The following NAV2 variants were observed in gnomAD, a reference collection of about 807,000 sequenced individuals.
The protein encoded by NAV2 is helicase, APC down-regulated 1.
Under a neutral mutation model 223.2 loss-of-function variants are expected in NAV2, and 54 were observed. That is an observed-to-expected ratio of 0.24 (90% CI 0.19 to 0.30). The LOEUF (loss-of-function observed/expected upper bound fraction) is 0.30. NAV2 is among the 10% of genes least tolerant of loss of function. The pLI, the probability that NAV2 is intolerant of heterozygous loss-of-function variation, is 1.00. For missense variants in NAV2, 2,806 were observed against 3,147.5 expected (o/e 0.89, Z 2.60); for synonymous variants, 1,279 against 1,239.3 (o/e 1.03, Z -0.67).
intron 1 of NAV2, among the ~76,000 whole-genome samples, chr11:19,413,037 T>C (rs1276036482): frequency 2.0e-5 from 3 of 152,014 alleles, no homozygotes; most frequent in African/African-American, 7.3e-5. Context: ...GGATCACAAC[T>C]CCTCACCAGC....
At chr11:19,668,460 G>T (rs931656208) in intron 1 of NAV2, among the ~76,000 whole-genome samples, 1 of 149,620 alleles carries the variant, frequency 6.7e-6, no homozygotes, top group Non-Finnish European at 1.5e-5. Context: ...TTGAACCTGG[G>T]AGGTGGAAGT....
intron 1 of NAV2, among the ~76,000 whole-genome samples, chr11:19,512,826 AC>A (rs1302281479): frequency 6.6e-6 from 1 of 152,216 alleles, no homozygotes; most frequent in Non-Finnish European, 1.5e-5. Flanking sequence ...GCAGATCAGC[AC>A]GATATTGCAT....
At chr11:19,607,217 A>G (rs917822517) in intron 1 of NAV2, among the ~76,000 whole-genome samples, 1 of 152,210 alleles carries the variant, frequency 6.6e-6, no homozygotes, top group Non-Finnish European at 1.5e-5. Flanking sequence ...GCATAGGCCC[A>G]TGGGGGTGGC....
At chr11:19,978,569 G>A (rs532247612) in intron 10 of NAV2, 2 of 152,018 alleles carry the variant, frequency 1.3e-5, no homozygotes, top group South Asian at 4.2e-4. Context: ...AATAGAGACA[G>A]GCTGACGTGT....
intron 1 of NAV2, among the ~76,000 whole-genome samples, chr11:19,380,174 G>A (rs994178814): frequency 3.3e-5 from 5 of 152,018 alleles, no homozygotes; most frequent in South Asian, 2.1e-4. Context: ...AACTAATAGC[G>A]TATATCTTCT....
In NAV2 at chr11:20,045,085, T is replaced by C; in HGVS notation, c.3317T>C (p.Leu1106Pro). 1 of 1,614,040 alleles carries C rather than the reference T, an allele frequency of 6.2e-7. No individual in the cohort carries two copies. Among genetic ancestry groups the C allele is most frequent in the Non-Finnish European group, 8.5e-7 (1 of 1,179,980 alleles). ...RSSGDESKKP[L>P]PSSSRTPTAN... The stretch of plus-strand genomic sequence containing the variant: ...AGTGGTGACGAATCCAAAAAGCCCC[T>C]CCCCAGCAGCTCTAGGACACCTACT... The change falls in exon 14 of 38, where the codon CTC becomes CCC. Residue 1106 changes from leucine to proline, a missense_variant. Leu to Pro is a moderately conservative substitution (Grantham distance 98, BLOSUM62 -3). Around this residue, in one of 4 missense-constraint regions of NAV2, gnomAD observed 742 missense variants for 777.9 expected, o/e 0.95. Transcript: ENST00000349880.
intron 1 of NAV2, among the ~76,000 whole-genome samples, chr11:19,467,237 A>G (rs1040875241): frequency 1.3e-5 from 2 of 152,224 alleles, no homozygotes; most frequent in Admixed American, 1.3e-4. Flanking sequence ...TAGAAAAGCC[A>G]TAACTTGTCT....
At chr11:19,966,917 G>A (rs757762920) in intron 10 of NAV2, among the ~76,000 whole-genome samples, 75 of 152,248 alleles carry the variant, frequency 4.9e-4, no homozygotes, top group African/African-American at 1.5e-3. Context: ...TAATATGAGC[G>A]GAATGAAAAG....
intron 1 of NAV2, among the ~76,000 whole-genome samples, chr11:19,810,477 C>T (rs181915262): frequency 1.1e-3 from 164 of 152,270 alleles, no homozygotes; most frequent in African/African-American, 3.8e-3. Context: ...AACTTTTCAG[C>T]TGAAAGAACA....
intron 11 of NAV2, among the ~76,000 whole-genome samples, chr11:19,986,179 T>C (rs1186229512): frequency 6.6e-6 from 1 of 152,230 alleles, no homozygotes; most frequent in Non-Finnish European, 1.5e-5. Context: ...TGTTTCCTGC[T>C]TCTGGAGATG....
At chr11:19,856,497 T>C (rs1188072998) in intron 3 of NAV2, among the ~76,000 whole-genome samples, 1 of 152,218 alleles carries the variant, frequency 6.6e-6, no homozygotes, top group African/African-American at 2.4e-5. Context: ...ATATTCACGA[T>C]CATCAGTGAT....
At chr11:20,043,897 T>C in intron 12 of NAV2, 84 bp from the exon 13 acceptor site, 2 of 1,262,164 alleles carry the variant, frequency 1.6e-6, no homozygotes, top group Non-Finnish European at 2.3e-6. Flanking sequence ...ACTACTCCAG[T>C]GTTTTGGCAT....
chr11:19,732,917 T>G (rs1234110723), intron 1 of NAV2, among the ~76,000 whole-genome samples: 1 of 152,258 alleles, frequency 6.6e-6, no homozygotes, highest in Non-Finnish European at 1.5e-5. Flanking sequence ...GGGCCTCATT[T>G]TTATTATCTT....
intron 1 of NAV2, among the ~76,000 whole-genome samples, chr11:19,399,300 C>A (rs1169103749): frequency 3.3e-5 from 5 of 152,330 alleles, no homozygotes; most frequent in African/African-American, 1.2e-4. Context: ...AGATTCTAAC[C>A]TGGAGAGTCA....
At chr11:19,616,672 A>T (rs1252945454) in intron 1 of NAV2, among the ~76,000 whole-genome samples, 1 of 151,814 alleles carries the variant, frequency 6.6e-6, no homozygotes, top group Non-Finnish European at 1.5e-5. Flanking sequence ...GAGACCAAGG[A>T]GCACAATGCT....
At chr11:19,746,338 T>C (rs759457545) in intron 1 of NAV2, among the ~76,000 whole-genome samples, 4 of 151,512 alleles carry the variant, frequency 2.6e-5, no homozygotes, top group African/African-American at 9.7e-5. Flanking sequence ...TTCCCAAATC[T>C]CTCCCCAAGT....
intron 1 of NAV2, among the ~76,000 whole-genome samples, chr11:19,374,504 A>T (rs186861077): frequency 3.9e-5 from 6 of 152,244 alleles, no homozygotes; most frequent in African/African-American, 1.4e-4. Flanking sequence ...AGACATCCTC[A>T]GTCACTCACA....
intron 1 of NAV2, among the ~76,000 whole-genome samples, chr11:19,648,070 C>T (rs774188162): frequency 3.3e-5 from 5 of 152,236 alleles, no homozygotes; most frequent in African/African-American, 9.6e-5. Flanking sequence ...AGCTTATACT[C>T]GCACAAGAGC....
At chr11:19,580,501 T>G (rs900828913) in intron 1 of NAV2, among the ~76,000 whole-genome samples, 3 of 152,082 alleles carry the variant, frequency 2.0e-5, no homozygotes, top group Non-Finnish European at 2.9e-5. Flanking sequence ...TTCCTCTTCT[T>G]GCAAAGCACC....
Sources: gnomAD v4.1 joint callset for allele counts (sites outside exome capture counted in the v4.1 genomes callset) on GRCh38, gnomAD v4.1.1 for gene constraint, gnomAD v4.1.1 regional missense constraint, MANE v1.5 for transcripts, NCBI Gene and HGNC (gene_info 2026-07-23, HGNC 2026-07-21) for gene names.